Variants in DNAH10 observed in about 807,000 individuals in gnomAD.
DNAH10 encodes the protein axonemal beta dynein heavy chain 10.
Under a neutral mutation model 506.6 loss-of-function variants are expected in DNAH10, and 348 were observed. The ratio of observed to expected loss-of-function variants is 0.69; its 90% CI spans 0.63 to 0.75. DNAH10 has a LOEUF of 0.75. Ranked by LOEUF, DNAH10 falls within the 30% of genes least tolerant of loss-of-function variation. The pLI is 0.00. For synonymous variants in DNAH10, 2,059 were observed against 2,198.6 expected (o/e 0.94, Z 1.78); for missense variants, 5,179 against 5,787.1 (o/e 0.89, Z 3.41).
In DNAH10 at chr12:123,867,972, T is replaced by C; in HGVS notation, c.7372T>C (p.Cys2458Arg). Residue 2458 changes from cysteine to arginine, a missense_variant, in exon 43 of 79, where the codon TGC becomes CGC. Around this residue, in one of 3 missense-constraint regions of DNAH10, gnomAD observed 4,844 missense variants for 5,430.5 expected, o/e 0.89. Coordinates refer to ENST00000673944, the MANE Select transcript of DNAH10 (RefSeq NM_001372106.1). ...GEIEDLDLLE[C>R]YFLEALYCSL... is the part of the protein sequence containing the mutation. ...AATAGAAGACCTTGACCTGCTGGAG[T>C]GCTACTTCCTGGAGGCTTTGTACTG... 2 of 1,613,812 alleles carry C rather than the reference T, an allele frequency of 1.2e-6. No individual in the cohort carries two copies. The highest frequency in any genetic ancestry group is 1.7e-6 in the Non-Finnish European group (2 of 1,179,856).
rs114257209 is a variant in DNAH10, at chr12:123,826,601, A to C, written c.4180-86A>C. The C allele has an allele frequency of 3.8e-3, 4,633 of 1,212,780 alleles. 135 individuals carry two copies. In the African/African-American group the frequency reaches 0.06, roughly 16 times the overall value. 75.1% of individuals were successfully genotyped at this position (1,212,780 alleles called of 1,614,324 possible). A position where few individuals can be genotyped will look rare whatever the true frequency, so the allele number is the denominator to read the frequency against. ...ATGGGTAATACTTTAAAATATCTGA[A>C]CGTGACTAAGAGTCAAGAACTTGCT... On this transcript the variant is annotated intron_variant, in intron 24 of 78. Transcript: ENST00000673944.
intron 45 of DNAH10, among the ~76,000 whole-genome samples, chr12:123,872,753 G>A (rs1414688978): frequency 6.6e-6 from 1 of 152,122 alleles, no homozygotes; most frequent in Non-Finnish European, 1.5e-5. Context: ...CAAGGCTGCA[G>A]TGAGCTATGA....
At chr12:123,833,832 C>A (rs1231481338) in intron 27 of DNAH10, among the ~76,000 whole-genome samples, 2 of 151,892 alleles carry the variant, frequency 1.3e-5, no homozygotes, top group Non-Finnish European at 2.9e-5. Context: ...TTCACTTTGT[C>A]ATCTGTTTTT....
At chr12:123,780,177 T>TCTC (rs1348077742) in intron 5 of DNAH10, among the ~76,000 whole-genome samples, 5 of 146,336 alleles carry the variant, frequency 3.4e-5, no homozygotes, top group African/African-American at 1.3e-4. Context: ...CTCTCTCTCT[T>TCTC]TCTTTCTGAG....
Position 123,928,044 on chromosome 12 carries a change from G to A in DNAH10, c.12106-343G>A, listed in dbSNP as rs1165202149. On this transcript the variant is annotated intron_variant, in intron 69 of 78. Coordinates refer to ENST00000673944, the MANE Select transcript of DNAH10 (RefSeq NM_001372106.1). This position sits in a 1 kb window ranked among gnomAD's most constrained non-coding sequence, Gnocchi z 4.9. The stretch of plus-strand genomic sequence containing the variant: ...GCCAGGACAGTCCCGACTTCCTGGT[G>A]GGCTTTAGCTGGTCTCTTGCAGCCC... The A allele has an allele frequency of 2.6e-6, 1 of 377,786 alleles. No homozygotes were observed. The highest frequency in any genetic ancestry group is 4.4e-5 in the South Asian group (1 of 22,926). The allele number at this position is 377,786 out of a possible 1,614,324, so 23.4% of individuals were successfully genotyped here.
rs767322793 is a variant in DNAH10, at chr12:123,932,119, C to T, written c.13296+11C>T. On this transcript the variant is annotated intron_variant, in intron 76 of 78. Coordinates refer to ENST00000673944, the MANE Select transcript of DNAH10 (RefSeq NM_001372106.1). ...CAGTACATGTTGTGGGTAAGTGGCA[C>T]GTCACCGCCTCCTCTCTGCCGATTC... 20 of 1,612,654 alleles carry T rather than the reference C, an allele frequency of 1.2e-5. No individual in the cohort carries two copies. The highest frequency in any genetic ancestry group is 6.6e-5 in the South Asian group (6 of 91,032).
At chr12:123,871,928 G>A (rs1952052191) in intron 45 of DNAH10, among the ~76,000 whole-genome samples, 1 of 152,240 alleles carries the variant, frequency 6.6e-6, no homozygotes, top group African/African-American at 2.4e-5. Context: ...TAGAGTGAGT[G>A]CTTAAGATAG....
chr12:123,934,642 A>G lies in DNAH10; in HGVS notation c.13499A>G (p.Tyr4500Cys). 1 of 1,613,670 alleles carries G rather than the reference A, an allele frequency of 6.2e-7. No individual in the cohort carries two copies. The highest frequency in any genetic ancestry group is 8.5e-7 in the Non-Finnish European group (1 of 1,179,778). ...CTAGGATGCTTTGTCTCAGGACTGT[A>G]CCTGGAAGGTGCTGACTGGGATATA... The part of the protein sequence containing the change: ...AGQGCFVSGL[Y>C]LEGADWDIEK... Residue 4500 changes from tyrosine (Y) to cysteine (C), a missense_variant, in exon 78 of 79, where the codon TAC (tyrosine) becomes TGC (cysteine). Around this residue, in one of 3 missense-constraint regions of DNAH10, gnomAD observed 4,844 missense variants for 5,430.5 expected, o/e 0.89. Coordinates refer to ENST00000673944, the MANE Select transcript of DNAH10 (RefSeq NM_001372106.1).
chr12:123,845,710 A>G lies in DNAH10; in HGVS notation c.5471A>G (p.Gln1824Arg). 1 of 1,613,964 alleles carries G rather than the reference A, an allele frequency of 6.2e-7. No individual in the cohort carries two copies. Among genetic ancestry groups the G allele is most frequent in the South Asian group, 1.1e-5 (1 of 91,070 alleles). Residue 1824 changes from glutamine to arginine, a missense_variant, in exon 31 of 79, where the codon CAG (glutamine) becomes CGG (arginine). This residue lies in a region of DNAH10 where 4,844 missense variants were observed against 5,430.5 expected (regional missense o/e 0.89). Coordinates refer to ENST00000673944, the MANE Select transcript of DNAH10 (RefSeq NM_001372106.1). ...VFHKAQKGEK[Q>R]AMKNYGRKMH... ...CACAAAGCGCAAAAAGGGGAGAAGC[A>G]GGCCATGAAGAACTATGGCAGGAAA...
In DNAH10 at chr12:123,928,867, C is replaced by A. The variant is rs34181187; in HGVS notation, c.12306+280C>A. 110 of 402,844 alleles carry A rather than the reference C, an allele frequency of 2.7e-4. 2 individuals are homozygous for A. Among genetic ancestry groups the A allele is most frequent in the South Asian group, 1.8e-3 (56 of 31,030 alleles). The allele number at this position is 402,844 out of a possible 1,614,324, so 25.0% of individuals were successfully genotyped here. ...TCATAAACTTCACGGCCCCCCCCCCCACACACAGCCTGCAGTTCGCTAGTG... is the reference window on the plus strand; with the variant it reads ...TCATAAACTTCACGGCCCCCCCCCCAACACACAGCCTGCAGTTCGCTAGTG... On this transcript the variant is annotated intron_variant, in intron 70 of 78. Transcript: ENST00000673944. This position sits in a 1 kb window ranked among gnomAD's most constrained non-coding sequence, Gnocchi z 4.9.
At chr12:123,878,042 G>T (rs1952338254) in intron 48 of DNAH10, 134 bp downstream of exon 48, 3 of 1,218,426 alleles carry the variant, frequency 2.5e-6, no homozygotes, top group Non-Finnish European at 3.4e-6. Context: ...TGCTTATGTT[G>T]AAGAAGAGAG....
intron 78 of DNAH10, 134 bp from the exon 79 acceptor site, chr12:123,935,201 C>G: frequency 9.2e-7 from 1 of 1,092,642 alleles, no homozygotes; most frequent in Non-Finnish European, 1.3e-6. Flanking sequence ...CCCTGAGCAG[C>G]CCCAGCCTTG....
chr12:123,792,496 G>T (rs1958118520), intron 11 of DNAH10, among the ~76,000 whole-genome samples: 1 of 126,158 alleles, frequency 7.9e-6, no homozygotes, highest in Non-Finnish European at 1.6e-5. Flanking sequence ...TTTCGCTCTT[G>T]TTGCCCAGGC....
rs776428367 is a variant in DNAH10 at position 123,801,362 on chromosome 12, C to T, written c.2544C>T (p.Leu848=). Residue 848 remains leucine (L), a synonymous_variant, in exon 16 of 79, where the codon CTC becomes CTT. Transcript: ENST00000673944. ...TAAACGATGCGGAGTCTGTGCTTCT[C>T]AAAGATCATTCCCAGGAACTGCTCC... ...GTLNDAESVL[L]KDHSQELLRV... The T allele has an allele frequency of 1.9e-6, 3 of 1,614,174 alleles. No homozygotes were observed. Among genetic ancestry groups the T allele is most frequent in the Non-Finnish European group, 2.5e-6 (3 of 1,180,036 alleles).
At chr12:123,831,722 C>G (rs1292534674) in intron 26 of DNAH10, among the ~76,000 whole-genome samples, 2 of 152,020 alleles carry the variant, frequency 1.3e-5, no homozygotes, top group African/African-American at 4.8e-5. Flanking sequence ...GAAACCCCGT[C>G]TCTACTAAAA....
intron 2 of DNAH10, among the ~76,000 whole-genome samples, chr12:123,769,467 A>G (rs573875448): frequency 6.6e-5 from 10 of 152,186 alleles, no homozygotes; most frequent in Admixed American, 5.2e-4. Flanking sequence ...GTGAGCCACC[A>G]CGCCCGGCCT....
intron 30 of DNAH10, among the ~76,000 whole-genome samples, chr12:123,842,070 C>G (rs1289061635): frequency 1.3e-5 from 2 of 152,162 alleles, no homozygotes; most frequent in Non-Finnish European, 2.9e-5. Flanking sequence ...AAAGTGTGCC[C>G]CCTGGTGGCA....
At chr12:123,805,193 A>T (rs77285558) in intron 18 of DNAH10, among the ~76,000 whole-genome samples, 153 bp downstream of exon 18, 2,343 of 152,224 alleles carry the variant, frequency 0.015, 63 homozygotes, top group African/African-American at 0.053. Context: ...GAATGGGGGG[A>T]TGACCTTCAT....
intron 18 of DNAH10, among the ~76,000 whole-genome samples, chr12:123,808,411 G>A (rs1202143573): frequency 6.6e-6 from 1 of 152,156 alleles, no homozygotes; most frequent in African/African-American, 2.4e-5. Context: ...AGGGAGACTG[G>A]GCTGGAGGCT....
Sources: allele counts gnomAD v4.1 joint callset (sites outside exome capture counted in the v4.1 genomes callset), GRCh38; gene constraint gnomAD v4.1.1; regional missense constraint gnomAD v4.1.1; non-coding constraint Gnocchi (gnomAD v3.1); transcripts MANE v1.5; gene names NCBI Gene and HGNC (gene_info 2026-07-23, HGNC 2026-07-21).